NPAS3: variants seen among roughly 807,000 people sequenced by gnomAD.
NPAS3 encodes neuronal PAS domain protein 3.
Under a neutral mutation model 73.1 loss-of-function variants are expected in NPAS3, and 14 were observed. The observed-to-expected ratio is 0.19, with a 90% confidence interval of 0.13 to 0.30. The LOEUF is 0.30. Ranked by LOEUF, NPAS3 falls within the 10% of genes least tolerant of loss-of-function variation. The pLI is 1.00. For synonymous variants in NPAS3, 620 were observed against 541.5 expected (o/e 1.14, Z -2.01); for missense variants, 1,096 against 1,250.0 (o/e 0.88, Z 1.86).
intron 4 of NPAS3, among the ~76,000 whole-genome samples, chr14:33,548,920 C>T (rs1032179091): frequency 1.3e-5 from 2 of 152,210 alleles, no homozygotes; most frequent in Admixed American, 1.3e-4. Flanking sequence ...TGGACAAAAG[C>T]TATTGACACT....
chr14:33,202,710 T>C (rs1245889270), intron 2 of NPAS3, among the ~76,000 whole-genome samples: 1 of 150,840 alleles, frequency 6.6e-6, no homozygotes. Flanking sequence ...TTCATGTCTT[T>C]TTTTTTTTTG....
intron 5 of NPAS3, among the ~76,000 whole-genome samples, chr14:33,671,091 A>G (rs1279074055): frequency 1.3e-5 from 2 of 152,178 alleles, no homozygotes; most frequent in Non-Finnish European, 2.9e-5. Flanking sequence ...TTCTTTATCT[A>G]AGCATTCTCT....
At chr14:33,183,237 C>T (rs1411801295) in intron 2 of NPAS3, among the ~76,000 whole-genome samples, 1 of 151,908 alleles carries the variant, frequency 6.6e-6, no homozygotes, top group Non-Finnish European at 1.5e-5. Flanking sequence ...AACAGCCTGG[C>T]CAACATGGTG....
intron 3 of NPAS3, among the ~76,000 whole-genome samples, chr14:33,249,907 T>TACACACACACAC (rs369565240): frequency 6.8e-6 from 1 of 147,066 alleles, no homozygotes; most frequent in South Asian, 2.2e-4. Flanking sequence ...AAATCTGTCA[T>TACACACACACAC]ACACACACAC....
intron 1 of NPAS3, among the ~76,000 whole-genome samples, chr14:33,049,660 A>G (rs1209106346): frequency 6.6e-6 from 1 of 152,198 alleles, no homozygotes; most frequent in African/African-American, 2.4e-5. Flanking sequence ...AGGAGCTACA[A>G]GATGAGATTT....
At chr14:33,204,449 C>A (rs2046746398) in intron 2 of NPAS3, among the ~76,000 whole-genome samples, 1 of 152,004 alleles carries the variant, frequency 6.6e-6, no homozygotes, top group African/African-American at 2.4e-5. Context: ...CCCAAGATAC[C>A]ATCTATTGTG....
intron 6 of NPAS3, among the ~76,000 whole-genome samples, chr14:33,685,893 A>C (rs1224546308): frequency 6.6e-6 from 1 of 152,154 alleles, no homozygotes; most frequent in Non-Finnish European, 1.5e-5. Context: ...CAGGGTTTGA[A>C]CTCAGGCCAT....
At chr14:33,195,494 C>T (rs996215515) in intron 2 of NPAS3, among the ~76,000 whole-genome samples, 3 of 152,118 alleles carry the variant, frequency 2.0e-5, no homozygotes, top group African/African-American at 7.2e-5. Flanking sequence ...GTCTTGAACT[C>T]CTGACCTTGT....
chr14:33,469,181 C>T (rs1044758289), intron 4 of NPAS3, among the ~76,000 whole-genome samples: 4 of 151,716 alleles, frequency 2.6e-5, no homozygotes, highest in African/African-American at 9.7e-5. Context: ...AAAACAAATA[C>T]ATGTTTAAAC....
intron 5 of NPAS3, among the ~76,000 whole-genome samples, chr14:33,600,988 G>T (rs1050761715): frequency 3.9e-5 from 6 of 152,186 alleles, no homozygotes; most frequent in African/African-American, 1.4e-4. Context: ...TTTTCAAAAG[G>T]TTCTAACAGT....
chr14:33,216,903 C>G (rs2047243382), intron 3 of NPAS3, among the ~76,000 whole-genome samples: 1 of 152,044 alleles, frequency 6.6e-6, no homozygotes, highest in Non-Finnish European at 1.5e-5. Context: ...TGTCCTTTTA[C>G]ATCCCTTCTG....
chr14:33,099,380 T>C (rs1005370126), intron 2 of NPAS3, among the ~76,000 whole-genome samples: 1 of 152,208 alleles, frequency 6.6e-6, no homozygotes, highest in African/African-American at 2.4e-5. Context: ...TCTGCATGTA[T>C]TTCAGGAGGC....
At chr14:32,960,221 C>A (rs79298944) in intron 1 of NPAS3, among the ~76,000 whole-genome samples, 3,247 of 151,882 alleles carry the variant, frequency 0.021, 116 homozygotes, top group African/African-American at 0.074. Flanking sequence ...CTTAAATATT[C>A]TTTACATATT....
rs2063552666 is a variant in NPAS3 at position 33,797,671 on chromosome 14, A to T, written c.1426+90A>T. On this transcript the variant is annotated intron_variant, in intron 11 of 11. Transcript: ENST00000356141. The stretch of plus-strand genomic sequence containing the variant: ...CAGCCAGAGGGCCATCATCAGAGGC[A>T]AAGCAACTGGTCACATTTCAGAGAG... 2.3e-6 allele frequency: 3 copies of T among 1,307,050 alleles called. No homozygotes were observed. The Admixed American group carries it at 5.8e-5, about 25-fold the overall frequency. 81.0% of individuals were successfully genotyped at this position (1,307,050 alleles called of 1,614,324 possible).
rs529235217 is a variant in NPAS3 at position 33,662,521 on chromosome 14, T to C, written c.559-13690T>C. Among the ~76,000 whole-genome samples, 31 of 152,354 alleles carry C rather than the reference T, an allele frequency of 2.0e-4. No homozygotes were observed. The South Asian group carries it at 6.4e-3, about 32-fold the overall frequency. Reference sequence around the variant, plus strand: ...GTAGCTTGATGGGGATAGCATTGAATCTATAAATTACCTTGGGCAGTATGG... The same window carrying C: ...GTAGCTTGATGGGGATAGCATTGAACCTATAAATTACCTTGGGCAGTATGG... On this transcript the variant is annotated intron_variant, in intron 5 of 11. Coordinates refer to ENST00000356141, the Ensembl canonical transcript of NPAS3.
intron 3 of NPAS3, among the ~76,000 whole-genome samples, chr14:33,225,373 ATTC>A (rs1457340897): frequency 6.6e-6 from 1 of 152,270 alleles, no homozygotes; most frequent in East Asian, 1.9e-4. Context: ...TACATTTTCT[ATTC>A]TTCCAGTCTT....
At chr14:33,067,937 T>C (rs1375165559) in intron 2 of NPAS3, among the ~76,000 whole-genome samples, 2 of 152,226 alleles carry the variant, frequency 1.3e-5, no homozygotes, top group Non-Finnish European at 2.9e-5. Flanking sequence ...ATTCTTTTAG[T>C]AGCATATTTT....
At chr14:33,137,906 G>A (rs886970785) in intron 2 of NPAS3, among the ~76,000 whole-genome samples, 1 of 152,044 alleles carries the variant, frequency 6.6e-6, no homozygotes, top group African/African-American at 2.4e-5. Context: ...ATAGTTTTTG[G>A]GGAGAAAGGG....
chr14:33,178,421 T>A (rs894853461), intron 2 of NPAS3, among the ~76,000 whole-genome samples: 1 of 152,172 alleles, frequency 6.6e-6, no homozygotes, highest in African/African-American at 2.4e-5. Context: ...CTTAACGATA[T>A]TAAGCCTTCT....
Sources: gnomAD v4.1 joint callset for allele counts (sites outside exome capture counted in the v4.1 genomes callset) on GRCh38, gnomAD v4.1.1 for gene constraint, MANE v1.5 for transcripts, NCBI Gene and HGNC (gene_info 2026-07-23, HGNC 2026-07-21) for gene names.